GRAMD1B: variants seen among roughly 807,000 people sequenced by gnomAD.
GRAMD1B encodes the protein GRAM domain containing 1B.
A neutral mutation model predicts 99.7 loss-of-function variants in GRAMD1B; 37 were observed. The observed-to-expected ratio is 0.37, with a 90% confidence interval of 0.29 to 0.49. The LOEUF (loss-of-function observed/expected upper bound fraction) is 0.49. Ranked by LOEUF, GRAMD1B falls within the 20% of genes least tolerant of loss-of-function variation. GRAMD1B has a pLI of 0.98. For missense variants in GRAMD1B, 888 were observed against 1,009.2 expected, an observed-to-expected ratio of 0.88 and a Z score of 1.63; for synonymous variants, 427 against 387.6, an observed-to-expected ratio of 1.10 and a Z score of -1.19.
chr11:123,473,086 C>T (rs1277842612), intron 1 of GRAMD1B, among the ~76,000 whole-genome samples: 3 of 145,734 alleles, frequency 2.1e-5, no homozygotes, highest in African/African-American at 5.6e-5. Flanking sequence ...TTTTTTGAGA[C>T]GAAGTCTCGC....
intron 2 of GRAMD1B, among the ~76,000 whole-genome samples, chr11:123,518,409 C>T (rs768787546): frequency 6.6e-6 from 1 of 152,022 alleles, no homozygotes; most frequent in African/African-American, 2.4e-5. Flanking sequence ...GAAGGGATAT[C>T]GATGGCTGCT....
At chr11:123,403,029 GAC>G (rs1947723588) in intron 1 of GRAMD1B, among the ~76,000 whole-genome samples, 1 of 151,372 alleles carries the variant, frequency 6.6e-6, no homozygotes, top group Admixed American at 6.6e-5. Flanking sequence ...GAGTACACAT[GAC>G]ACAGAACTCT....
intron 7 of GRAMD1B, among the ~76,000 whole-genome samples, chr11:123,597,782 A>C (rs865844185): frequency 2.0e-5 from 3 of 152,164 alleles, no homozygotes; most frequent in African/African-American, 7.2e-5. Context: ...AACACATCTC[A>C]AACCTGCATT....
At chr11:123,559,282 C>G (rs702736) in intron 2 of GRAMD1B, among the ~76,000 whole-genome samples, 69,218 of 151,972 alleles carry the variant, frequency 0.46, 16,995 homozygotes, top group African/African-American at 0.64. Flanking sequence ...TGTGCTACAT[C>G]CCTCAAGAGA....
At chr11:123,504,975 C>T (rs1940271941) in intron 2 of GRAMD1B, among the ~76,000 whole-genome samples, 1 of 152,180 alleles carries the variant, frequency 6.6e-6, no homozygotes, top group African/African-American at 2.4e-5. Flanking sequence ...AGCCACCATG[C>T]CCAACCAGTT....
At chr11:123,436,647 G>T (rs1010127836) in intron 1 of GRAMD1B, among the ~76,000 whole-genome samples, 1 of 152,212 alleles carries the variant, frequency 6.6e-6, no homozygotes, top group Admixed American at 6.5e-5. Context: ...GCTGTTCCGT[G>T]TAGTGGGGAG....
chr11:123,370,760 C>T (rs73605919), intron 1 of GRAMD1B, among the ~76,000 whole-genome samples: 60 of 152,150 alleles, frequency 3.9e-4, no homozygotes, highest in African/African-American at 1.4e-3. Flanking sequence ...TTTGAAGAGT[C>T]AAAATTATTG....
rs73023769 is a variant in GRAMD1B at position 123,405,416 on chromosome 11, G to A, written c.-176+46617G>A. Among the ~76,000 whole-genome samples the A allele has an allele frequency of 8.4e-3, 1,278 of 152,314 alleles. 10 individuals are homozygous for A. The highest frequency in any genetic ancestry group is 0.024 in the Middle Eastern group (7 of 294). On this transcript the variant is annotated intron_variant, in intron 1 of 20. Coordinates refer to the GRAMD1B transcript ENST00000638157. ...AAGGGGAGAGTGACGGCAGTGGAGA[G>A]GGGCCAGCGGGAGATAAAGACTTGC...
chr11:123,479,250 T>C (rs984024714), intron 1 of GRAMD1B, among the ~76,000 whole-genome samples: 1 of 152,166 alleles, frequency 6.6e-6, no homozygotes, highest in Non-Finnish European at 1.5e-5. Flanking sequence ...TGTTTGAAAA[T>C]TGGATGTTAA....
chr11:123,568,117 T>C (rs1254544468), intron 2 of GRAMD1B, among the ~76,000 whole-genome samples: 1 of 117,796 alleles, frequency 8.5e-6, no homozygotes, highest in Non-Finnish European at 1.8e-5. Context: ...AAGTTTTGGG[T>C]TTTTTTTTTA....
intron 1 of GRAMD1B, among the ~76,000 whole-genome samples, chr11:123,442,116 G>A (rs1407349674): frequency 2.6e-5 from 4 of 152,104 alleles, no homozygotes; most frequent in African/African-American, 9.7e-5. Flanking sequence ...ACACAAACTG[G>A]GTGTCTTATA....
chr11:123,363,434 G>A (rs1946212125), intron 1 of GRAMD1B, among the ~76,000 whole-genome samples: 1 of 152,174 alleles, frequency 6.6e-6, no homozygotes, highest in Non-Finnish European at 1.5e-5. Context: ...CGCCTGTAAA[G>A]AACTGTTTTG....
At chr11:123,370,430 T>C (rs1346107809) in intron 1 of GRAMD1B, among the ~76,000 whole-genome samples, 1 of 149,182 alleles carries the variant, frequency 6.7e-6, no homozygotes, top group African/African-American at 2.5e-5. Context: ...AGTCTCTGCT[T>C]CCCAGGCTCA....
At chr11:123,449,716 T>TTTTTTTTTTTTTTC (rs1949801943) in intron 1 of GRAMD1B, among the ~76,000 whole-genome samples, 1 of 140,884 alleles carries the variant, frequency 7.1e-6, no homozygotes, top group African/African-American at 2.6e-5. Context: ...ATGCCTGGCT[T>TTTTTTTTTTTTTTC]TTTTTTTTTT....
intron 2 of GRAMD1B, among the ~76,000 whole-genome samples, chr11:123,572,734 G>A (rs964019133): frequency 1.3e-5 from 2 of 152,190 alleles, no homozygotes; most frequent in African/African-American, 2.4e-5. Context: ...TATGGCAAAA[G>A]GATCTGCAGA....
chr11:123,599,276 A>C, intron 7 of GRAMD1B: 1 of 733,754 alleles, frequency 1.4e-6, no homozygotes, highest in South Asian at 1.3e-5. Flanking sequence ...CATCATACAA[A>C]TCCCTTGGGT....
chr11:123,605,812 G>A (rs982063342), intron 10 of GRAMD1B, among the ~76,000 whole-genome samples: 12 of 152,178 alleles, frequency 7.9e-5, no homozygotes, highest in Non-Finnish European at 1.3e-4. Context: ...TTGATCTGAC[G>A]TCAAAGTCAT....
At chr11:123,388,125 T>G (rs888986894) in intron 1 of GRAMD1B, among the ~76,000 whole-genome samples, 1 of 79,800 alleles carries the variant, frequency 1.3e-5, no homozygotes, top group African/African-American at 6.6e-5. Context: ...AGACTCCTCC[T>G]CCTCAAAAAA....
chr11:123,409,805 A>G (rs1947978108), intron 1 of GRAMD1B, among the ~76,000 whole-genome samples: 1 of 152,226 alleles, frequency 6.6e-6, no homozygotes, highest in Non-Finnish European at 1.5e-5. Context: ...ACAAACTAAC[A>G]ACAAAACCCA....
Sources: gnomAD v4.1 joint callset for allele counts (sites outside exome capture counted in the v4.1 genomes callset) on GRCh38, gnomAD v4.1.1 for gene constraint, MANE v1.5 for transcripts, NCBI Gene and HGNC (gene_info 2026-07-23, HGNC 2026-07-21) for gene names.